Variants in SMARCA2 observed in about 807,000 individuals in gnomAD.
SMARCA2 encodes the protein SWI/SNF related BAF chromatin remodeling complex subunit ATPase 2.
SMARCA2 carries 61 observed loss-of-function variants against 199.8 expected under a neutral mutation model. The ratio of observed to expected loss-of-function variants is 0.31; its 90% confidence interval spans 0.25 to 0.38. The LOEUF is 0.38. Among genes scored for constraint, SMARCA2 ranks in the 10% least tolerant of loss-of-function variants. The pLI, the probability that SMARCA2 is intolerant of heterozygous loss-of-function variation, is 1.00. For missense variants in SMARCA2, 1,344 were observed against 2,012.2 expected (o/e 0.67, Z 6.35); for synonymous variants, 935 against 732.0 (o/e 1.28, Z -4.48).
chr9:2,142,022 G>C (rs1240322819), intron 27 of SMARCA2, among the ~76,000 whole-genome samples: 1 of 152,186 alleles, frequency 6.6e-6, no homozygotes, highest in East Asian at 1.9e-4. Flanking sequence ...CCTACAGTAG[G>C]GGCCCCTTAG....
intron 27 of SMARCA2, among the ~76,000 whole-genome samples, chr9:2,153,077 A>G (rs1255814388): frequency 1.3e-5 from 2 of 152,136 alleles, no homozygotes; most frequent in African/African-American, 4.8e-5. Context: ...CAAAAAAACA[A>G]AGTCACAGTA....
chr9:2,111,077 C>T (rs919519796), intron 24 of SMARCA2, among the ~76,000 whole-genome samples: 8 of 148,348 alleles, frequency 5.4e-5, no homozygotes, highest in Non-Finnish European at 3.0e-5. Context: ...GCGGGTCTCT[C>T]ATGGCACTGG....
In SMARCA2 at chr9:2,065,541, G is replaced by A. The variant is rs935757181; in HGVS notation, c.1692+4555G>A. ...TTGAACCTTCCTGGCATAATGTATT[G>A]GCCAACATAGTGGTAGGAAATGTGT... On this transcript the variant is annotated intron_variant, in intron 9 of 33. Transcript: ENST00000349721. 3.9e-5 allele frequency among the ~76,000 whole-genome samples: 6 copies of A among 152,216 alleles called. No homozygotes were observed. The East Asian group carries it at 7.7e-4, about 20-fold the overall frequency.
rs3842631 is a variant in SMARCA2 at position 2,127,964 on chromosome 9, G to GT, written c.3981+4037dup. ...GGATCACAATTTCAAACACAGTTCA[G>GT]TTTTTTTTTTAAAGGTATTTTACAT... On this transcript the variant is annotated intron_variant, in intron 27 of 33. Transcript: ENST00000349721. 8.0e-4 allele frequency among the ~76,000 whole-genome samples: 120 copies of GT among 150,026 alleles called. No individual in the cohort carries two copies. The East Asian group carries it at 0.01, about 13-fold the overall frequency.
At chr9:2,065,058 A>G (rs545391461) in intron 9 of SMARCA2, among the ~76,000 whole-genome samples, 32 of 152,222 alleles carry the variant, frequency 2.1e-4, no homozygotes, top group East Asian at 3.9e-4. Flanking sequence ...GGTGGCAGGC[A>G]CCTGTAGTCC....
At chr9:2,096,901 T>C (rs1009395013) in intron 20 of SMARCA2, 137 bp downstream of exon 20, 22 of 652,412 alleles carry the variant, frequency 3.4e-5, no homozygotes, top group Non-Finnish European at 5.3e-5. Context: ...TGAGCTATTA[T>C]AGCTGCCAAA....
chr9:2,126,385 A>G lies in SMARCA2; in HGVS notation c.3981+2448A>G, dbSNP rs75041500. 2.8e-3 allele frequency among the ~76,000 whole-genome samples: 430 copies of G among 152,384 alleles called. 1 individual carries two copies. Among genetic ancestry groups the G allele is most frequent in the African/African-American group, 1.0e-2 (415 of 41,590 alleles). ...AACTGGCAACTTGTTATTAATCAGG[A>G]CATGCAATGGATGCAACATGCCCCA... On this transcript the variant is annotated intron_variant, in intron 27 of 33. Transcript: ENST00000349721.
chr9:2,191,476 C>G, intron 33 of SMARCA2, 68 bp downstream of exon 33: 4 of 1,553,466 alleles, frequency 2.6e-6, no homozygotes, highest in Non-Finnish European at 3.5e-6. Context: ...TCTTGCATTT[C>G]CATGCCCCTT....
At chr9:2,134,341 C>T (rs527687872) in intron 27 of SMARCA2, among the ~76,000 whole-genome samples, 1 of 152,176 alleles carries the variant, frequency 6.6e-6, no homozygotes, top group African/African-American at 2.4e-5. Flanking sequence ...CATTAAGTCT[C>T]TTTACCCTGG....
chr9:2,033,309 C>A, intron 3 of SMARCA2: 1 of 474,274 alleles, frequency 2.1e-6, no homozygotes, highest in Non-Finnish European at 3.7e-6. Context: ...ACCATGTGTC[C>A]AAGCAGTCTG....
intron 27 of SMARCA2, among the ~76,000 whole-genome samples, chr9:2,155,720 CTTTTTTTTTTTTTTTTTTTTTTT>C (rs59156319): frequency 2.4e-4 from 13 of 53,190 alleles, no homozygotes; most frequent in East Asian, 2.3e-3. Context: ...AAGAGAAAAC[CTTTTTTTTTTTTTTTTTTTTTTT>C]TTTTTTTTTT....
intron 27 of SMARCA2, among the ~76,000 whole-genome samples, chr9:2,143,775 A>T (rs937888326): frequency 1.3e-5 from 2 of 152,236 alleles, no homozygotes; most frequent in African/African-American, 4.8e-5. Context: ...GATAAACTTG[A>T]TTTGTGATGT....
intron 20 of SMARCA2, 95 bp downstream of exon 20, chr9:2,096,859 T>C: frequency 1.2e-6 from 1 of 802,598 alleles, no homozygotes; most frequent in Non-Finnish European, 2.2e-6. Context: ...CTGCTAATGC[T>C]GATTTGTTAA....
At chr9:2,070,060 C>G (rs149398753) in intron 9 of SMARCA2, among the ~76,000 whole-genome samples, 33 of 152,220 alleles carry the variant, frequency 2.2e-4, no homozygotes, top group African/African-American at 7.9e-4. Flanking sequence ...GAAAGTTGAG[C>G]TAATTATGTC....
rs188734607 is a variant in SMARCA2, at chr9:2,083,672, T to C, written c.2415+259T>C. 7.1e-4 allele frequency among the ~76,000 whole-genome samples: 108 copies of C among 152,334 alleles called. 2 individuals are homozygous for C. Among genetic ancestry groups the C allele is most frequent in the Admixed American group, 4.9e-3 (75 of 15,302 alleles). ...ATGAGAGTAATACAAATGACAAATA[T>C]CACACATTCTGCGTGCTGCTGACTG... On this transcript the variant is annotated intron_variant, in intron 16 of 33. Transcript: ENST00000349721.
chr9:2,132,430 T>G (rs976582912), intron 27 of SMARCA2, among the ~76,000 whole-genome samples: 2 of 152,190 alleles, frequency 1.3e-5, no homozygotes, highest in African/African-American at 4.8e-5. Flanking sequence ...TAAAATATTT[T>G]ATTTTACACT....
At chr9:2,037,290 A>G (rs1410728498) in intron 3 of SMARCA2, among the ~76,000 whole-genome samples, 1 of 152,260 alleles carries the variant, frequency 6.6e-6, no homozygotes, top group African/African-American at 2.4e-5. Context: ...CTAGTCTTGC[A>G]AGCTTTCAAG....
At chr9:2,067,638 A>G (rs910896561) in intron 9 of SMARCA2, among the ~76,000 whole-genome samples, 2 of 152,226 alleles carry the variant, frequency 1.3e-5, no homozygotes, top group African/African-American at 4.8e-5. Flanking sequence ...GAACTAAGAC[A>G]CAAGAGAAAA....
chr9:2,159,960 C>T, intron 27 of SMARCA2: 3 of 1,572,102 alleles, frequency 1.9e-6, no homozygotes, highest in Admixed American at 1.9e-5. Flanking sequence ...AACTACATCC[C>T]AGGCATGTGT....
Sources: allele counts gnomAD v4.1 joint callset (sites outside exome capture counted in the v4.1 genomes callset), GRCh38; gene constraint gnomAD v4.1.1; transcripts MANE v1.5; gene names NCBI Gene and HGNC (gene_info 2026-07-23, HGNC 2026-07-21).